The following SYT14 variants were observed in gnomAD, a reference collection of about 807,000 sequenced individuals.
The protein encoded by SYT14 is synaptotagmin 14.
In SYT14, 32 loss-of-function variants were observed where a neutral mutation model predicts 74.2. The ratio of observed to expected loss-of-function variants is 0.43; its 90% CI spans 0.33 to 0.58. SYT14 has a LOEUF of 0.58. SYT14 is among the 20% of genes least tolerant of loss of function. The probability of loss-of-function intolerance (pLI) is 0.05; values close to 1 mark genes in which losing one functional copy is unlikely to be tolerated. For synonymous variants in SYT14, 298 were observed against 337.7 expected, an observed-to-expected ratio of 0.88 and a Z score of 1.29; for missense variants, 791 against 981.8, an observed-to-expected ratio of 0.81 and a Z score of 2.60.
intron 5 of SYT14, among the ~76,000 whole-genome samples, chr1:210,083,888 A>G (rs1234159259): frequency 2.3e-4 from 34 of 149,094 alleles, no homozygotes; most frequent in Non-Finnish European, 4.5e-5. Flanking sequence ...AATTTTTTGT[A>G]GAGACGGAGT....
chr1:210,116,585 G>A (rs1298027214), intron 7 of SYT14, among the ~76,000 whole-genome samples: 21 of 152,188 alleles, frequency 1.4e-4, no homozygotes, highest in Admixed American at 1.3e-3. Flanking sequence ...GACTTCAAGT[G>A]ATCTGCCCCC....
At chr1:210,054,016 CTA>C (rs1366026696) in intron 5 of SYT14, among the ~76,000 whole-genome samples, 1 of 152,062 alleles carries the variant, frequency 6.6e-6, no homozygotes, top group African/African-American at 2.4e-5. Flanking sequence ...AATCATTTTC[CTA>C]TAGAATTTTG....
chr1:210,049,254 C>G (rs2080943224), intron 5 of SYT14, among the ~76,000 whole-genome samples: 1 of 152,118 alleles, frequency 6.6e-6, no homozygotes, highest in South Asian at 2.1e-4. Context: ...GTGCTTCGAC[C>G]CCACATTTTC....
exon 10 of SYT14, chr1:210,168,416 C>G (rs1461393281): frequency 2.0e-5 from 3 of 152,020 alleles, no homozygotes; most frequent in Admixed American, 6.6e-5. Flanking sequence ...TTGAGTTTGT[C>G]TTTTAAATAT....
rs926033453 is a variant in SYT14, at chr1:210,121,719, A to T, written c.2034+21258A>T. ...TGAGGCAGGAGAATGGCGTGAACCC[A>T]GGAGGCAGAGCTTGCAGTGAGCCAA... On this transcript the variant is annotated intron_variant, in intron 7 of 9. Transcript: ENST00000637265. Among the ~76,000 whole-genome samples the T allele has an allele frequency of 1.8e-4, 28 of 151,594 alleles. No individual in the cohort carries two copies. The East Asian group carries it at 3.3e-3, about 18-fold the overall frequency.
intron 2 of SYT14, among the ~76,000 whole-genome samples, chr1:209,985,514 G>C (rs1163468464): frequency 2.0e-5 from 3 of 152,200 alleles, no homozygotes; most frequent in Admixed American, 1.3e-4. Flanking sequence ...TTGAGTGCTT[G>C]TGGCTTTTCC....
chr1:210,155,554 T>C (rs1453830175), intron 7 of SYT14, among the ~76,000 whole-genome samples, 167 bp from the exon 7 acceptor site: 2 of 152,190 alleles, frequency 1.3e-5, no homozygotes, highest in African/African-American at 2.4e-5. Context: ...TGAAAAGAAA[T>C]CCAGGGGCTA....
At chr1:210,050,594 C>T (rs950084395) in intron 5 of SYT14, among the ~76,000 whole-genome samples, 1 of 152,192 alleles carries the variant, frequency 6.6e-6, no homozygotes, top group Non-Finnish European at 1.5e-5. Flanking sequence ...TAAAGACATA[C>T]CTGAGACTGG....
intron 2 of SYT14, among the ~76,000 whole-genome samples, chr1:209,990,549 G>GTATATATATATATGTGTA: frequency 9.1e-4 from 52 of 56,858 alleles, no homozygotes; most frequent in African/African-American, 1.9e-3. Flanking sequence ...GTATATATAT[G>GTATATATATATATGTGTA]TATATATATA....
chr1:210,021,567 T>G (rs1347873691), intron 5 of SYT14, among the ~76,000 whole-genome samples: 1 of 152,214 alleles, frequency 6.6e-6, no homozygotes, highest in East Asian at 1.9e-4. Context: ...TCAGATGGAA[T>G]TGGTTTCTCT....
At chr1:210,009,107 A>T (rs939859715) in intron 2 of SYT14, among the ~76,000 whole-genome samples, 1 of 152,220 alleles carries the variant, frequency 6.6e-6, no homozygotes, top group Non-Finnish European at 1.5e-5. Flanking sequence ...CCTGAGCTGC[A>T]TATGTCTGGC....
At chr1:209,984,734 C>T (rs1344016580) in intron 2 of SYT14, among the ~76,000 whole-genome samples, 4 of 152,126 alleles carry the variant, frequency 2.6e-5, no homozygotes, top group South Asian at 2.1e-4. Context: ...AATTGGCTCA[C>T]GGTTCTGCAG....
rs537696495 is a variant in SYT14 at position 210,052,886 on chromosome 1, C to T, written c.1312+31632C>T. Among the ~76,000 whole-genome samples the T allele has an allele frequency of 2.6e-4, 40 of 152,010 alleles. 1 individual carries two copies. The highest frequency in any genetic ancestry group is 3.3e-4 in the Admixed American group (5 of 15,284). On this transcript the variant is annotated intron_variant, in intron 5 of 9. Coordinates refer to ENST00000637265, the Ensembl canonical transcript of SYT14. ...ATTTTCCTTTTATTAAAATTTAATT[C>T]ACCTTTAATGTTACCTTTAAATTTT...
chr1:210,097,644 A>G (rs1030878882), intron 6 of SYT14, among the ~76,000 whole-genome samples: 1 of 152,218 alleles, frequency 6.6e-6, no homozygotes, highest in Non-Finnish European at 1.5e-5. Flanking sequence ...AAAATATTTA[A>G]TTGAAATACC....
intron 5 of SYT14, among the ~76,000 whole-genome samples, chr1:210,063,732 G>T (rs1468247970): frequency 6.6e-6 from 1 of 151,856 alleles, no homozygotes; most frequent in Non-Finnish European, 1.5e-5. Context: ...TTTGGCCACA[G>T]CTGGAATTGG....
At chr1:210,119,056 T>A (rs2082410726) in intron 7 of SYT14, among the ~76,000 whole-genome samples, 1 of 152,146 alleles carries the variant, frequency 6.6e-6, no homozygotes, top group Non-Finnish European at 1.5e-5. Context: ...ATTTGAAAAA[T>A]GTTTAATACT....
At chr1:210,077,246 G>T (rs1010973265) in intron 5 of SYT14, among the ~76,000 whole-genome samples, 11 of 151,928 alleles carry the variant, frequency 7.2e-5, no homozygotes, top group Admixed American at 5.2e-4. Context: ...GAGAGTCGGT[G>T]GGGGGGAGAT....
At chr1:209,940,241 G>A in intron 1 of SYT14, among the ~76,000 whole-genome samples, 1 of 152,200 alleles carries the variant, frequency 6.6e-6, no homozygotes, top group East Asian at 1.9e-4. Context: ...AGTAGAATGA[G>A]TTCTGCATGA....
chr1:210,162,475 C>A (rs1391102460), exon 10 of SYT14: 5 of 344,164 alleles, frequency 1.5e-5, no homozygotes, highest in Non-Finnish European at 2.8e-5. Context: ...AATTTTGCTT[C>A]TTACCTAATA....
Sources: gnomAD v4.1 joint callset for allele counts (sites outside exome capture counted in the v4.1 genomes callset) on GRCh38, gnomAD v4.1.1 for gene constraint, MANE v1.5 for transcripts, NCBI Gene and HGNC (gene_info 2026-07-23, HGNC 2026-07-21) for gene names.